The following WDR49 variants were observed in gnomAD, a reference collection of about 807,000 sequenced individuals.
The protein encoded by WDR49 is WD repeat domain 49, also known as cilia- and flagella-associated protein 337.
Under a neutral mutation model 119.5 loss-of-function variants are expected in WDR49, and 107 were observed. The observed-to-expected ratio is 0.90, with a 90% CI of 0.77 to 1.05. WDR49 has a LOEUF of 1.05. Among genes scored for constraint, WDR49 ranks in the 50% least tolerant of loss-of-function variants. WDR49 has a pLI of 0.00. For missense variants in WDR49, 1,240 were observed against 1,220.5 expected, an observed-to-expected ratio of 1.02 and a Z score of -0.24; for synonymous variants, 425 against 418.8, an observed-to-expected ratio of 1.01 and a Z score of -0.18.
intron 5 of WDR49, 42 bp downstream of exon 5, chr3:167,620,387 C>G: frequency 6.6e-7 from 1 of 1,509,576 alleles, no homozygotes; most frequent in Non-Finnish European, 8.8e-7. Flanking sequence ...ATGTACAAGT[C>G]AGAGGTGACC....
At chr3:167,529,430 G>A (rs1752765646) in intron 13 of WDR49, among the ~76,000 whole-genome samples, 191 bp from the exon 14 acceptor site, 1 of 152,084 alleles carries the variant, frequency 6.6e-6, no homozygotes, top group Admixed American at 6.6e-5. Flanking sequence ...ACTGGTTTGT[G>A]TTGAGTATTA....
At chr3:167,550,139 C>CT (rs1712464057) in intron 10 of WDR49, among the ~76,000 whole-genome samples, 1 of 152,126 alleles carries the variant, frequency 6.6e-6, no homozygotes. Flanking sequence ...ATGCCTCCAG[C>CT]TTTGTTCTTT....
At chr3:167,653,691 T>C (rs538009641) in intron 1 of WDR49, 143 bp downstream of exon 1, 1 of 304,046 alleles carries the variant, frequency 3.3e-6, no homozygotes, top group Non-Finnish European at 6.0e-6. Context: ...TTTTTACCCC[T>C]TCCTTATACT....
intron 2 of WDR49, among the ~76,000 whole-genome samples, chr3:167,651,096 G>A (rs116535080): frequency 0.013 from 1,951 of 152,072 alleles, 36 homozygotes; most frequent in African/African-American, 0.045. Context: ...TATTTTATTC[G>A]GAAATACACG....
chr3:167,651,558 C>G (rs1247569040), intron 2 of WDR49, among the ~76,000 whole-genome samples: 1 of 151,700 alleles, frequency 6.6e-6, no homozygotes, highest in Non-Finnish European at 1.5e-5. Flanking sequence ...TTATTCCATT[C>G]TCTGGCTGTT....
chr3:167,483,062 T>A (rs1750782381), intron 18 of WDR49, among the ~76,000 whole-genome samples: 1 of 152,152 alleles, frequency 6.6e-6, no homozygotes, highest in South Asian at 2.1e-4. Flanking sequence ...ATTCTATCAT[T>A]ACTGAGCATA....
intron 14 of WDR49, 117 bp from the exon 15 acceptor site, chr3:167,528,134 A>G (rs1752703202): frequency 1.3e-6 from 1 of 768,900 alleles, no homozygotes; most frequent in African/African-American, 1.8e-5. Context: ...CTATGATCCA[A>G]ATGCAAAAGA....
chr3:167,592,689 T>C (rs565171542), intron 7 of WDR49, among the ~76,000 whole-genome samples: 1 of 152,250 alleles, frequency 6.6e-6, no homozygotes, highest in Admixed American at 6.5e-5. Flanking sequence ...CACGTCAGTC[T>C]CCCAAAGTGC....
At chr3:167,501,965 C>T (rs1751588369) in intron 17 of WDR49, among the ~76,000 whole-genome samples, 1 of 151,990 alleles carries the variant, frequency 6.6e-6, no homozygotes, top group African/African-American at 2.4e-5. Context: ...GATATTTGTC[C>T]CCTCTGAATC....
intron 3 of WDR49, among the ~76,000 whole-genome samples, chr3:167,624,714 T>C (rs1388360919): frequency 6.6e-6 from 1 of 152,098 alleles, no homozygotes; most frequent in Non-Finnish European, 1.5e-5. Context: ...AAGATTTTAG[T>C]TCAGTGCTGA....
chr3:167,595,769 G>C (rs1215408885), intron 7 of WDR49, among the ~76,000 whole-genome samples: 1 of 151,762 alleles, frequency 6.6e-6, no homozygotes, highest in Non-Finnish European at 1.5e-5. Flanking sequence ...AAAAACCCTA[G>C]AAGAAAACCT....
At chr3:167,510,777 T>C (rs1751943286) in intron 16 of WDR49, among the ~76,000 whole-genome samples, 1 of 152,178 alleles carries the variant, frequency 6.6e-6, no homozygotes, top group Non-Finnish European at 1.5e-5. Flanking sequence ...TAATTTTTTC[T>C]TCATGTTTCT....
intron 17 of WDR49, among the ~76,000 whole-genome samples, chr3:167,503,860 C>A (rs190981807): frequency 6.6e-6 from 1 of 152,194 alleles, no homozygotes. Flanking sequence ...GTTGCCGGCT[C>A]GAATGCCTGG....
At chr3:167,509,884 C>T (rs972800677) in intron 16 of WDR49, among the ~76,000 whole-genome samples, 1 of 152,064 alleles carries the variant, frequency 6.6e-6, no homozygotes, top group Non-Finnish European at 1.5e-5. Context: ...TGAAAATGTG[C>T]CTACTGCATA....
intron 8 of WDR49, among the ~76,000 whole-genome samples, chr3:167,561,731 T>C (rs576942716): frequency 6.6e-6 from 1 of 152,130 alleles, no homozygotes; most frequent in Non-Finnish European, 1.5e-5. Context: ...TGTTATCTCA[T>C]TTGATCTTTA....
intron 7 of WDR49, 97 bp from the exon 8 acceptor site, chr3:167,576,248 A>G (rs1714247486): frequency 1.0e-6 from 1 of 965,640 alleles, no homozygotes; most frequent in Non-Finnish European, 1.6e-6. Context: ...CCAGGCAGAC[A>G]GTTGTTTCCT....
chr3:167,487,578 C>T (rs542887187), intron 18 of WDR49, among the ~76,000 whole-genome samples: 6 of 152,168 alleles, frequency 3.9e-5, no homozygotes, highest in African/African-American at 1.2e-4. Flanking sequence ...AAACCATCAA[C>T]AGAGTAAACA....
Position 167,569,790 on chromosome 3 carries a change from A to C in WDR49, c.1509+6128T>G, listed in dbSNP as rs553585786. ...AATATATATTCACTTGTTTAAGAGTAGAATAGCCCTTAAACATTGTGGAAG... is the reference window on the plus strand; with the variant it reads ...AATATATATTCACTTGTTTAAGAGTCGAATAGCCCTTAAACATTGTGGAAG... On this transcript the variant is annotated intron_variant, in intron 8 of 18. Coordinates refer to ENST00000682715, the MANE Select transcript of WDR49 (RefSeq NM_001366157.1). Among the ~76,000 whole-genome samples, 14 of 152,330 alleles carry C rather than the reference A, an allele frequency of 9.2e-5. No homozygotes were observed. The East Asian group carries it at 2.3e-3, about 25-fold the overall frequency.
At chr3:167,624,299 A>G (rs556439573) in intron 3 of WDR49, among the ~76,000 whole-genome samples, 1 of 151,942 alleles carries the variant, frequency 6.6e-6, no homozygotes, top group Admixed American at 6.6e-5. Flanking sequence ...AAAAACTAGT[A>G]GTATACCTCA....
Sources: gnomAD v4.1 joint callset for allele counts (sites outside exome capture counted in the v4.1 genomes callset) on GRCh38, gnomAD v4.1.1 for gene constraint, MANE v1.5 for transcripts, NCBI Gene and HGNC (gene_info 2026-07-23, HGNC 2026-07-21) for gene names.